The following LRCH2 variants were observed in gnomAD, a reference collection of about 807,000 sequenced individuals.
LRCH2 encodes leucine-rich repeat and calponin homology domain-containing protein 2.
A neutral mutation model predicts 68.9 loss-of-function variants in LRCH2; 38 were observed. That is an observed-to-expected ratio of 0.55 (90% CI 0.43 to 0.72). The LOEUF (loss-of-function observed/expected upper bound fraction) is 0.72, where lower values mean the gene tolerates loss of function less well. Ranked by LOEUF, LRCH2 falls within the 30% of genes least tolerant of loss-of-function variation. The pLI, the probability that LRCH2 is intolerant of heterozygous loss-of-function variation, is 0.00. For missense variants in LRCH2, 528 were observed against 572.9 expected (o/e 0.92, Z 0.80); for synonymous variants, 191 against 208.1 (o/e 0.92, Z 0.71).
intron 10 of LRCH2, among the ~76,000 whole-genome samples, chrX:115,164,884 A>T (rs1384521319): frequency 9.0e-6 from 1 of 111,262 alleles, no homozygotes; most frequent in Non-Finnish European, 1.9e-5. Context: ...GTGGTAGGTC[A>T]TATTTCATCA....
At position 115,111,541 on chromosome X, in the gene LRCH2, G is replaced by A. The variant is rs1263771721; in HGVS notation, c.*1675C>T. 9.1e-6 allele frequency: 1 copy of A among 110,111 alleles called. No individual in the cohort carries two copies. The highest frequency in any genetic ancestry group is 3.3e-5 in the African/African-American group (1 of 30,304). The allele number at this position is 110,111 out of a possible 1,213,427, so 9.1% of individuals were successfully genotyped here. A position where few individuals can be genotyped will look rare whatever the true frequency, so the allele number is the denominator to read the frequency against. On this transcript the variant is annotated 3_prime_UTR_variant, in exon 21 of 21. Transcript: ENST00000317135. ...CCCAAGTTTTCACTAGGGAGATTAT[G>A]TCAGCGAGTTTTTTTTTTATCCAAC... is the stretch of plus-strand genomic sequence containing the variant.
chrX:115,220,972 G>A (rs955052731), intron 1 of LRCH2, among the ~76,000 whole-genome samples: 3 of 107,847 alleles, frequency 2.8e-5, no homozygotes, highest in African/African-American at 1.0e-4. Flanking sequence ...TGGATCACGA[G>A]GTCAGGAGAT....
chrX:115,189,679 A>C (rs1158815709), intron 1 of LRCH2: 2 of 1,167,282 alleles, frequency 1.7e-6, no homozygotes, highest in Non-Finnish European at 2.3e-6. Context: ...TAAGGCCATC[A>C]TGGTGGCCCA....
intron 1 of LRCH2, among the ~76,000 whole-genome samples, chrX:115,221,277 T>C (rs1341982723): frequency 9.8e-6 from 1 of 102,021 alleles, no homozygotes; most frequent in Admixed American, 1.1e-4. Flanking sequence ...TGTTAAAGTT[T>C]AATACTCATA....
intron 20 of LRCH2, among the ~76,000 whole-genome samples, chrX:115,118,888 C>T (rs781827827): frequency 9.0e-6 from 1 of 111,061 alleles, no homozygotes; most frequent in East Asian, 2.8e-4. Context: ...AAATGTAATC[C>T]AGCATATAAA....
rs782695179 is a variant in LRCH2, at chrX:115,205,530, A to G, written c.350-17160T>C. Among the ~76,000 whole-genome samples, 20 of 112,564 alleles carry G rather than the reference A, an allele frequency of 1.8e-4. No homozygotes were observed. In the South Asian group the frequency reaches 6.6e-3, roughly 37 times the overall value. ...CATTAATTGTAAAAAATACATTACA[A>G]AAATGTAAGATGCTAAAAATAGGAA... On this transcript the variant is annotated intron_variant, in intron 1 of 20. Coordinates refer to ENST00000317135, the MANE Select transcript of LRCH2 (RefSeq NM_020871.4).
chrX:115,121,598 C>T (rs1269030763), intron 20 of LRCH2, among the ~76,000 whole-genome samples: 4 of 112,303 alleles, frequency 3.6e-5, no homozygotes, highest in Admixed American at 2.8e-4. Context: ...TGCAGTGAGA[C>T]GAGATCGTGC....
In LRCH2 at chrX:115,234,013, T is replaced by C; in HGVS notation, c.29A>G (p.Asn10Ser). Residue 10 changes from asparagine (N) to serine (S), a missense_variant, in exon 1 of 21, where the codon AAC becomes AGC. Physicochemically the swap from Asn to Ser is conservative, Grantham distance 46 (BLOSUM62 1). Transcript: ENST00000317135. MAASQGGGG[N>S]SGGGGCGGGG... ...TCCACCACAACCGCCGCCCCCACTG[T>C]TACCGCCTCCTCCCTGACTCGCCGC... 1 of 1,165,952 alleles carries C rather than the reference T, an allele frequency of 8.6e-7. No individual in the cohort carries two copies. Among genetic ancestry groups the C allele is most frequent in the South Asian group, 1.9e-5 (1 of 52,559 alleles).
rs1556561433 is a variant in LRCH2 at position 115,192,490 on chromosome X, C to G, written c.350-4120G>C. 3.4e-6 allele frequency: 4 copies of G among 1,169,806 alleles called. 1 individual carries two copies. In the South Asian group the frequency reaches 7.6e-5, roughly 22 times the overall value. On this transcript the variant is annotated intron_variant, in intron 1 of 20. Transcript: ENST00000317135. Reference sequence around the variant, plus strand: ...CGACCGCTACTCGAGGGGTCGAGACCGGGTAGGCAGACCGGATCGTGGGCT... The same window carrying G: ...CGACCGCTACTCGAGGGGTCGAGACGGGGTAGGCAGACCGGATCGTGGGCT...
chrX:115,153,103 G>A (rs1332581504), intron 12 of LRCH2, among the ~76,000 whole-genome samples: 1 of 98,812 alleles, frequency 1.0e-5, no homozygotes, highest in African/African-American at 3.8e-5. Flanking sequence ...GAGACCGAGA[G>A]TTCAAAACCA....
intron 5 of LRCH2, among the ~76,000 whole-genome samples, chrX:115,175,585 A>T (rs2072640556): frequency 8.9e-6 from 1 of 112,230 alleles, no homozygotes; most frequent in Non-Finnish European, 1.9e-5. Flanking sequence ...GCATAAAGTC[A>T]GCTAACTTTC....
At chrX:115,172,115 T>C (rs141195183) in intron 5 of LRCH2, among the ~76,000 whole-genome samples, 1,811 of 111,792 alleles carry the variant, frequency 0.016, 22 homozygotes, top group Non-Finnish European at 0.026. Flanking sequence ...GTAGATTTAT[T>C]GGAGTATCAC....
chrX:115,190,488 G>A, intron 1 of LRCH2: 1 of 1,166,854 alleles, frequency 8.6e-7, no homozygotes, highest in South Asian at 1.9e-5. Flanking sequence ...CCGAGGCCTT[G>A]CCAGTCGTCT....
At chrX:115,165,218 C>T (rs1298544325) in intron 10 of LRCH2, among the ~76,000 whole-genome samples, 187 bp downstream of exon 10, 1 of 110,622 alleles carries the variant, frequency 9.0e-6, no homozygotes, top group African/African-American at 3.3e-5. Context: ...TACACTCAAA[C>T]GCTTACTATA....
At chrX:115,190,170 GC>G in intron 1 of LRCH2, 1 of 1,165,786 alleles carries the variant, frequency 8.6e-7, no homozygotes. Context: ...GGGAGCCACT[GC>G]CCCCGTGCCG....
At chrX:115,135,247 C>T (rs897401192) in intron 14 of LRCH2, among the ~76,000 whole-genome samples, 5 of 107,650 alleles carry the variant, frequency 4.6e-5, no homozygotes, top group African/African-American at 1.7e-4. Flanking sequence ...TCAGCCACCC[C>T]CGACCAAGTA....
rs185595559 is a variant in LRCH2, at chrX:115,153,942, C to T, written c.1529+2660G>A. 1.3e-3 allele frequency among the ~76,000 whole-genome samples: 146 copies of T among 111,455 alleles called. 1 individual carries two copies. The highest frequency in any genetic ancestry group is 4.4e-3 in the African/African-American group (135 of 30,749). The stretch of plus-strand genomic sequence containing the variant: ...AAAACATAAATGATTTTTAACATTG[C>T]AATTAGAACGTAGATTGTCAGATTC... On this transcript the variant is annotated intron_variant, in intron 12 of 20. Coordinates refer to ENST00000317135, the MANE Select transcript of LRCH2 (RefSeq NM_020871.4).
At chrX:115,155,537 AG>A (rs1387267611) in intron 12 of LRCH2, among the ~76,000 whole-genome samples, 2 of 111,900 alleles carry the variant, frequency 1.8e-5, no homozygotes, top group Non-Finnish European at 3.8e-5. Flanking sequence ...TGAACAAAAA[AG>A]GAGGTTAGAA....
In LRCH2 at chrX:115,126,610, CATAA is replaced by C. The variant is rs1458248249; in HGVS notation, c.1791+229_1791+232del. On this transcript the variant is annotated intron_variant, in intron 16 of 20. Transcript: ENST00000317135. ...AGACACTACAGACACTACAGAAAAT[CATAA>C]ATAAACAAGTGCTAGTATCAATATT... 5.4e-5 allele frequency among the ~76,000 whole-genome samples: 6 copies of C among 111,425 alleles called. No homozygotes were observed. The South Asian group carries it at 1.5e-3, about 28-fold the overall frequency.
Sources: gnomAD v4.1 joint callset for allele counts (sites outside exome capture counted in the v4.1 genomes callset) on GRCh38, gnomAD v4.1.1 for gene constraint, MANE v1.5 for transcripts, NCBI Gene and HGNC (gene_info 2026-07-23, HGNC 2026-07-21) for gene names.